FAM53B: variants seen among roughly 807,000 people sequenced by gnomAD.
FAM53B encodes the protein family with sequence similarity 53 member B, also known as protein FAM53B.
Under a neutral mutation model 32.7 loss-of-function variants are expected in FAM53B, and 12 were observed. The ratio of observed to expected loss-of-function variants is 0.37; its 90% CI spans 0.24 to 0.59. The LOEUF (loss-of-function observed/expected upper bound fraction) is 0.59, where lower values mean the gene tolerates loss of function less well. Among genes scored for constraint, FAM53B ranks in the 20% least tolerant of loss-of-function variants. The pLI, the probability that FAM53B is intolerant of heterozygous loss-of-function variation, is 0.72. For missense variants in FAM53B, 477 were observed against 577.7 expected, an observed-to-expected ratio of 0.83 and a Z score of 1.79; for synonymous variants, 234 against 228.7, an observed-to-expected ratio of 1.02 and a Z score of -0.21.
chr10:124,648,721 C>T (rs1418997928), intron 4 of FAM53B, among the ~76,000 whole-genome samples: 1 of 152,260 alleles, frequency 6.6e-6, no homozygotes, highest in African/African-American at 2.4e-5. Context: ...GGTTAAGTAA[C>T]TTGCCCAAGG....
chr10:124,725,479 T>C (rs1226160879), intron 1 of FAM53B, among the ~76,000 whole-genome samples: 1 of 152,278 alleles, frequency 6.6e-6, no homozygotes, highest in African/African-American at 2.4e-5. Flanking sequence ...AGCCTTGGAC[T>C]GACGGCAGTG....
rs555304047 is a variant in FAM53B, at chr10:124,660,962, C to T, written c.906+20645G>A. Among the ~76,000 whole-genome samples the T allele has an allele frequency of 1.1e-4, 16 of 151,030 alleles. No homozygotes were observed. In the East Asian group the frequency reaches 2.5e-3, roughly 24 times the overall value. ...TACATATTGGGTACAATGTACACTA[C>T]TTGAGTGACAGGTGCACTAAAATCT... On this transcript the variant is annotated intron_variant, in intron 4 of 4. Transcript: ENST00000337318.
intron 2 of FAM53B, among the ~76,000 whole-genome samples, chr10:124,705,417 C>T (rs564856662): frequency 6.6e-5 from 10 of 152,390 alleles, no homozygotes; most frequent in East Asian, 5.8e-4. Context: ...CTTCTTCTCA[C>T]CCTTCAAGGC....
intron 1 of FAM53B, among the ~76,000 whole-genome samples, chr10:124,727,703 G>A (rs1950115516): frequency 6.6e-6 from 1 of 151,892 alleles, no homozygotes; most frequent in African/African-American, 2.4e-5. Flanking sequence ...ATGCCTTCCA[G>A]GGCCAAGCAG....
intron 4 of FAM53B, among the ~76,000 whole-genome samples, chr10:124,642,648 C>G (rs1270180845): frequency 1.3e-5 from 2 of 152,218 alleles, no homozygotes; most frequent in Admixed American, 1.3e-4. Flanking sequence ...ATCCCCGAGA[C>G]ACAGGGGCAC....
chr10:124,663,538 C>T (rs1486518903), intron 4 of FAM53B, among the ~76,000 whole-genome samples: 1 of 152,184 alleles, frequency 6.6e-6, no homozygotes, highest in African/African-American at 2.4e-5. Flanking sequence ...GGGCCCATCT[C>T]CCATATTCAG....
chr10:124,671,244 T>A (rs891455448), intron 4 of FAM53B: 13 of 447,306 alleles, frequency 2.9e-5, no homozygotes, highest in African/African-American at 2.4e-4. Flanking sequence ...TCACCTTCCC[T>A]TTCTGCGGGA....
chr10:124,673,537 G>A (rs1403895321), intron 4 of FAM53B, among the ~76,000 whole-genome samples: 2 of 152,158 alleles, frequency 1.3e-5, no homozygotes, highest in African/African-American at 2.4e-5. Context: ...TGGCAGGCGG[G>A]GACACCATTG....
intron 4 of FAM53B, among the ~76,000 whole-genome samples, chr10:124,634,442 G>A (rs12571573): frequency 0.23 from 34,785 of 152,184 alleles, 5,069 homozygotes; most frequent in Middle Eastern, 0.35. Context: ...TGGGAGGGAC[G>A]CAGTGGAAGG....
intron 4 of FAM53B, among the ~76,000 whole-genome samples, chr10:124,640,392 G>C (rs1949462883): frequency 6.6e-6 from 1 of 152,208 alleles, no homozygotes; most frequent in Non-Finnish European, 1.5e-5. Context: ...GATAACAAGG[G>C]GAGTAGGGGG....
chr10:124,658,041 G>A (rs892210970), intron 4 of FAM53B, among the ~76,000 whole-genome samples: 16 of 152,196 alleles, frequency 1.1e-4, no homozygotes, highest in African/African-American at 3.6e-4. Flanking sequence ...CCACGGAACT[G>A]GGTGGGCACT....
intron 4 of FAM53B, among the ~76,000 whole-genome samples, chr10:124,640,148 T>C (rs1014827242): frequency 1.4e-4 from 21 of 152,308 alleles, no homozygotes; most frequent in African/African-American, 4.8e-4. Flanking sequence ...CCACACCAAC[T>C]GGAGCAGCAA....
chr10:124,686,278 G>A (rs1403003231), intron 3 of FAM53B, among the ~76,000 whole-genome samples: 1 of 152,206 alleles, frequency 6.6e-6, no homozygotes. Flanking sequence ...CAAAACCCAG[G>A]GGCATCAGAG....
At chr10:124,712,399 A>T (rs1453262544) in intron 1 of FAM53B, among the ~76,000 whole-genome samples, 1 of 152,176 alleles carries the variant, frequency 6.6e-6, no homozygotes, top group African/African-American at 2.4e-5. Context: ...CAATGAGGAT[A>T]ATACCTTTGC....
intron 4 of FAM53B, among the ~76,000 whole-genome samples, chr10:124,657,360 T>A (rs565766462): frequency 1.3e-5 from 2 of 152,118 alleles, no homozygotes; most frequent in African/African-American, 4.8e-5. Flanking sequence ...GTTCCACACA[T>A]TGGTAAATGA....
rs1949313533 is a variant in FAM53B at position 124,621,952 on chromosome 10, G to C, written c.*1290C>G. Reference sequence around the variant, plus strand: ...CATAGAGCAGAGCCCATGTGGTGGTGTCTGCAAGGCAGCCGGAGAGGAGCT... The same window carrying C: ...CATAGAGCAGAGCCCATGTGGTGGTCTCTGCAAGGCAGCCGGAGAGGAGCT... On this transcript the variant is annotated 3_prime_UTR_variant, in exon 5 of 5. Transcript: ENST00000337318. 2.0e-5 allele frequency: 3 copies of C among 152,500 alleles called. No homozygotes were observed. In the South Asian group the frequency reaches 6.2e-4, roughly 32 times the overall value. 9.4% of individuals were successfully genotyped at this position (152,500 alleles called of 1,614,324 possible). A position where few individuals can be genotyped will look rare whatever the true frequency, so the allele number is the denominator to read the frequency against.
chr10:124,736,082 G>T (rs1950171649), intron 1 of FAM53B, among the ~76,000 whole-genome samples: 2 of 152,230 alleles, frequency 1.3e-5, no homozygotes, highest in African/African-American at 4.8e-5. Flanking sequence ...TGCCTGCCCA[G>T]TCACACTCAT....
chr10:124,707,485 C>T (rs1949968700), intron 1 of FAM53B, among the ~76,000 whole-genome samples: 2 of 152,166 alleles, frequency 1.3e-5, no homozygotes, highest in South Asian at 2.1e-4. Context: ...TGCCTGTAAT[C>T]CCAGCACTTC....
intron 4 of FAM53B, among the ~76,000 whole-genome samples, chr10:124,655,008 C>T (rs1244604201): frequency 1.3e-5 from 2 of 152,192 alleles, no homozygotes; most frequent in African/African-American, 4.8e-5. Context: ...GCCCAGGTTA[C>T]AGGAGCCCCA....
Sources: allele counts gnomAD v4.1 joint callset (sites outside exome capture counted in the v4.1 genomes callset), GRCh38; gene constraint gnomAD v4.1.1; transcripts MANE v1.5; gene names NCBI Gene and HGNC (gene_info 2026-07-23, HGNC 2026-07-21).